The following CADM1 variants were observed in gnomAD, a reference collection of about 807,000 sequenced individuals.
CADM1 encodes the protein cell adhesion molecule 1, also known as TSLC-1.
Under a neutral mutation model 53.1 loss-of-function variants are expected in CADM1, and 15 were observed. The ratio of observed to expected loss-of-function variants is 0.28; its 90% confidence interval spans 0.19 to 0.44. The LOEUF is 0.44. Among genes scored for constraint, CADM1 ranks in the 20% least tolerant of loss-of-function variants. The probability of loss-of-function intolerance (pLI) is 1.00; values close to 1 mark genes in which losing one functional copy is unlikely to be tolerated. For synonymous variants in CADM1, 281 were observed against 243.0 expected (o/e 1.16, Z -1.45); for missense variants, 434 against 611.3 (o/e 0.71, Z 3.06).
At chr11:115,201,142 A>G (rs894158203) in intron 8 of CADM1, among the ~76,000 whole-genome samples, 3 of 152,154 alleles carry the variant, frequency 2.0e-5, no homozygotes, top group African/African-American at 4.8e-5. Flanking sequence ...CAGCAAACAC[A>G]TGTTCAAGTC....
intron 7 of CADM1, among the ~76,000 whole-genome samples, chr11:115,213,995 A>C (rs907096155): frequency 6.6e-6 from 1 of 152,210 alleles, no homozygotes; most frequent in African/African-American, 2.4e-5. Context: ...TGCTCAATAA[A>C]TATCTGTTGA....
At chr11:115,313,098 C>T (rs2135167364) in intron 1 of CADM1, among the ~76,000 whole-genome samples, 1 of 152,068 alleles carries the variant, frequency 6.6e-6, no homozygotes, top group East Asian at 1.9e-4. Context: ...AACAAAGATC[C>T]TGAAGGGAAA....
chr11:115,231,522 C>A (rs775847438), intron 3 of CADM1, 32 bp from the exon 4 acceptor site: 1 of 1,606,976 alleles, frequency 6.2e-7, no homozygotes, highest in Non-Finnish European at 8.5e-7. Context: ...TTTATAAACA[C>A]AGAATGCATT....
intron 1 of CADM1, among the ~76,000 whole-genome samples, chr11:115,390,232 A>C (rs1258039561): frequency 6.6e-6 from 1 of 152,188 alleles, no homozygotes; most frequent in Non-Finnish European, 1.5e-5. Context: ...TTTTTGAGCT[A>C]AACAGTCACA....
intron 1 of CADM1, among the ~76,000 whole-genome samples, chr11:115,266,126 C>A (rs1943127602): frequency 6.6e-6 from 1 of 152,188 alleles, no homozygotes; most frequent in South Asian, 2.1e-4. Flanking sequence ...GGCAGCCTTA[C>A]CCGCCAGCAT....
At chr11:115,234,500 T>C (rs1390372798) in intron 3 of CADM1, among the ~76,000 whole-genome samples, 1 of 152,094 alleles carries the variant, frequency 6.6e-6, no homozygotes, top group African/African-American at 2.4e-5. Context: ...TCAGAGTGAG[T>C]CCTGAACCAG....
chr11:115,206,850 TG>T (rs1940724015), intron 8 of CADM1, among the ~76,000 whole-genome samples: 1 of 141,722 alleles, frequency 7.1e-6, no homozygotes, highest in African/African-American at 2.6e-5. Flanking sequence ...AGGCTAATGG[TG>T]GCTGTAATGT....
At chr11:115,465,669 A>C (rs1479824535) in intron 1 of CADM1, among the ~76,000 whole-genome samples, 3 of 152,202 alleles carry the variant, frequency 2.0e-5, no homozygotes, top group Non-Finnish European at 4.4e-5. Context: ...ACAAAGTCGC[A>C]CAGTCGATAT....
chr11:115,462,240 G>A (rs1268398728), intron 1 of CADM1, among the ~76,000 whole-genome samples: 5 of 152,172 alleles, frequency 3.3e-5, no homozygotes, highest in African/African-American at 1.2e-4. Flanking sequence ...CGGAGGCAGC[G>A]GCAATTAAAT....
rs184848275 is a variant in CADM1, at chr11:115,422,600, A to G, written c.124+81671T>C. ...TAGAAGCTGAACACATCTATTTGTT[A>G]TCTCATCCTCTTAGCCATAACCTAC... On this transcript the variant is annotated intron_variant, in intron 1 of 11. Coordinates refer to ENST00000331581, the MANE Select transcript of CADM1 (RefSeq NM_001301043.2). Among the ~76,000 whole-genome samples the G allele has an allele frequency of 3.2e-4, 49 of 152,354 alleles. 1 individual carries two copies. Among genetic ancestry groups the G allele is most frequent in the African/African-American group, 1.2e-3 (48 of 41,582 alleles).
chr11:115,485,124 G>C (rs898649507), intron 1 of CADM1, among the ~76,000 whole-genome samples: 6 of 152,054 alleles, frequency 3.9e-5, no homozygotes, highest in Admixed American at 3.9e-4. Flanking sequence ...TCTGCACCTT[G>C]GTTAACAGGC....
intron 1 of CADM1, among the ~76,000 whole-genome samples, chr11:115,298,685 TG>T (rs1944142478): frequency 1.3e-5 from 2 of 152,204 alleles, no homozygotes; most frequent in Non-Finnish European, 2.9e-5. Context: ...AGTTACAGGT[TG>T]GAAAATCAGC....
intron 1 of CADM1, among the ~76,000 whole-genome samples, chr11:115,257,091 GACT>G (rs373481279): frequency 8.5e-5 from 13 of 152,080 alleles, no homozygotes; most frequent in African/African-American, 2.9e-4. Context: ...ACTTTATTAC[GACT>G]ACTTTTCATG....
intron 1 of CADM1, among the ~76,000 whole-genome samples, chr11:115,347,797 T>A (rs1015553766): frequency 6.6e-6 from 1 of 152,190 alleles, no homozygotes; most frequent in African/African-American, 2.4e-5. Context: ...TACAATAGTT[T>A]TACATCTCAG....
chr11:115,229,187 AC>A lies in CADM1; in HGVS notation c.646del (p.Val216SerfsTer3), dbSNP rs1941727201. ...MLKVHKEDDG[V>X]PVICQVEHPA... The stretch of plus-strand genomic sequence containing the variant: ...GTGCTCCACCTGGCAGATCACTGGG[AC>A]CCCATCGTCCTCCTTGTGCACCTTC... On this transcript the variant is annotated frameshift_variant, in exon 5 of 12. Coordinates refer to ENST00000331581, the MANE Select transcript of CADM1 (RefSeq NM_001301043.2). LOFTEE classifies it high-confidence loss of function. 6.2e-7 allele frequency: 1 copy of A among 1,613,914 alleles called. No individual in the cohort carries two copies. Among genetic ancestry groups the A allele is most frequent in the Non-Finnish European group, 8.5e-7 (1 of 1,179,986 alleles).
intron 8 of CADM1, among the ~76,000 whole-genome samples, chr11:115,206,313 A>G (rs1184859341): frequency 6.6e-6 from 1 of 152,186 alleles, no homozygotes; most frequent in Non-Finnish European, 1.5e-5. Flanking sequence ...ATAAGGCCAC[A>G]TTTAGATGTG....
At position 115,176,293 on chromosome 11, in the gene CADM1, A is replaced by G; in HGVS notation, c.*181T>C. On this transcript the variant is annotated 3_prime_UTR_variant, in exon 12 of 12. Coordinates refer to ENST00000331581, the MANE Select transcript of CADM1 (RefSeq NM_001301043.2). ...CGAAAAAAGAGGTGTCAAACAGCAGAGTGTACTTTCCAAAGAACATTTTTT... is the reference window on the plus strand; with the variant it reads ...CGAAAAAAGAGGTGTCAAACAGCAGGGTGTACTTTCCAAAGAACATTTTTT... 1 of 1,448,384 alleles carries G rather than the reference A, an allele frequency of 6.9e-7. No individual in the cohort carries two copies. Among genetic ancestry groups the G allele is most frequent in the Non-Finnish European group, 9.1e-7 (1 of 1,098,158 alleles). 89.7% of individuals were successfully genotyped at this position (1,448,384 alleles called of 1,614,324 possible).
At chr11:115,455,246 A>G (rs932888383) in intron 1 of CADM1, among the ~76,000 whole-genome samples, 1 of 152,190 alleles carries the variant, frequency 6.6e-6, no homozygotes, top group Non-Finnish European at 1.5e-5. Flanking sequence ...AAAAGACCGC[A>G]TAAAAGATGC....
intron 1 of CADM1, among the ~76,000 whole-genome samples, chr11:115,484,436 C>T (rs904621387): frequency 6.6e-6 from 1 of 152,198 alleles, no homozygotes; most frequent in African/African-American, 2.4e-5. Context: ...CATCTATCCT[C>T]CCTCCATGCT....
Sources: gnomAD v4.1 joint callset for allele counts (sites outside exome capture counted in the v4.1 genomes callset) on GRCh38, gnomAD v4.1.1 for gene constraint, MANE v1.5 for transcripts, NCBI Gene and HGNC (gene_info 2026-07-23, HGNC 2026-07-21) for gene names.